The following CEP63 variants were observed in gnomAD, a reference collection of about 807,000 sequenced individuals.
CEP63 encodes the protein centrosomal protein 63.
A neutral mutation model predicts 89.1 loss-of-function variants in CEP63; 84 were observed. That is an observed-to-expected ratio of 0.94 (90% CI 0.79 to 1.13). The LOEUF (loss-of-function observed/expected upper bound fraction) is 1.13. CEP63 is among the 50% of genes most tolerant of loss of function. The pLI is 0.00. For missense variants in CEP63, 838 were observed against 813.3 expected, an observed-to-expected ratio of 1.03 and a Z score of -0.37; for synonymous variants, 267 against 272.5, an observed-to-expected ratio of 0.98 and a Z score of 0.20.
the CEP63 span, among the ~76,000 whole-genome samples, chr3:134,676,359 T>C: frequency 6.6e-6 from 1 of 152,194 alleles, no homozygotes; most frequent in African/African-American, 2.4e-5. Flanking sequence ...ACTCCATTTG[T>C]ATGAAATGTA....
the CEP63 span, among the ~76,000 whole-genome samples, chr3:134,762,233 C>G: frequency 2.6e-5 from 4 of 152,186 alleles, no homozygotes; most frequent in East Asian, 7.7e-4. Context: ...AGGAAAAGTG[C>G]GTGTCTTCCT....
chr3:134,744,868 A>G, the CEP63 span, among the ~76,000 whole-genome samples: 1 of 152,158 alleles, frequency 6.6e-6, no homozygotes, highest in African/African-American at 2.4e-5. Context: ...AATGCACACT[A>G]TCTTCTATTA....
chr3:134,564,709 G>A lies in CEP63; in HGVS notation c.*3174G>A. 2 of 985,372 alleles carry A rather than the reference G, an allele frequency of 2.0e-6. No individual in the cohort carries two copies. Among genetic ancestry groups the A allele is most frequent in the Non-Finnish European group, 2.4e-6 (2 of 829,910 alleles). The allele number at this position is 985,372 out of a possible 1,614,324, so 61.0% of individuals were successfully genotyped here. A position where few individuals can be genotyped will look rare whatever the true frequency, so the allele number is the denominator to read the frequency against. On this transcript the variant is annotated 3_prime_UTR_variant, in exon 15 of 15. Transcript: ENST00000675561. ...GCAGTTTTAAGTACTGTACCTATGTGCATTGCTGTTACATTCAGGAGATTT... is the reference window on the plus strand; with the variant it reads ...GCAGTTTTAAGTACTGTACCTATGTACATTGCTGTTACATTCAGGAGATTT...
the CEP63 span, among the ~76,000 whole-genome samples, chr3:134,675,597 C>G: frequency 6.6e-6 from 1 of 152,164 alleles, no homozygotes; most frequent in East Asian, 1.9e-4. Flanking sequence ...GAAAAGTTCA[C>G]TCACAGAATG....
chr3:134,561,333 A>G, intron 14 of CEP63, 44 bp from the exon 15 acceptor site: 2 of 1,507,980 alleles, frequency 1.3e-6, no homozygotes, highest in Non-Finnish European at 1.8e-6. Flanking sequence ...TAGAAATATA[A>G]TATTCTACTT....
the CEP63 span, among the ~76,000 whole-genome samples, chr3:134,705,938 A>C: frequency 6.6e-6 from 1 of 152,228 alleles, no homozygotes. Context: ...TGACAAATTC[A>C]TAGAATTGAT....
At chr3:134,648,938 T>C in the CEP63 span, among the ~76,000 whole-genome samples, 1 of 152,292 alleles carries the variant, frequency 6.6e-6, no homozygotes, top group Non-Finnish European at 1.5e-5. Flanking sequence ...GAGTTTGTTT[T>C]ATATCTTGCA....
Position 134,532,845 on chromosome 3 carries a change from C to T in CEP63, c.386C>T (p.Thr129Ile). ...CAAATGAGGGAATTCAGAGGAAATA[C>T]CAAAAATCACAGGGAAGATCGGTCT... ...KKQMREFRGN[T>I]KNHREDRSEI... The change falls in exon 5 of 15, where the codon ACC (threonine) becomes ATC (isoleucine). Residue 129 changes from threonine (T) to isoleucine (I), a missense_variant. Coordinates refer to ENST00000675561, the MANE Select transcript of CEP63 (RefSeq NM_001353108.3). 1 of 1,613,542 alleles carries T rather than the reference C, an allele frequency of 6.2e-7. No individual in the cohort carries two copies.
At chr3:134,551,716 A>T (rs572893373) in intron 11 of CEP63, among the ~76,000 whole-genome samples, 121 of 131,728 alleles carry the variant, frequency 9.2e-4, no homozygotes, top group African/African-American at 3.5e-3. Flanking sequence ...AAATCTTTTT[A>T]GAAAGTCCAT....
intron 3 of CEP63, among the ~76,000 whole-genome samples, chr3:134,526,339 A>G (rs1335598261): frequency 2.0e-5 from 3 of 152,060 alleles, no homozygotes; most frequent in Non-Finnish European, 4.4e-5. Flanking sequence ...GTCTTATTTC[A>G]GAAAGCCAGT....
the CEP63 span, among the ~76,000 whole-genome samples, chr3:134,690,079 A>G: frequency 6.6e-6 from 1 of 152,238 alleles, no homozygotes; most frequent in Non-Finnish European, 1.5e-5. Context: ...TAGACAATGC[A>G]TAGTTTTCTC....
At chr3:134,754,587 C>T in the CEP63 span, among the ~76,000 whole-genome samples, 1 of 152,094 alleles carries the variant, frequency 6.6e-6, no homozygotes, top group Non-Finnish European at 1.5e-5. Context: ...CCAAGAGGTG[C>T]CTCAGTGGCT....
chr3:134,690,743 A>AT, the CEP63 span, among the ~76,000 whole-genome samples: 6 of 120,796 alleles, frequency 5.0e-5, no homozygotes, highest in African/African-American at 2.1e-4. Flanking sequence ...GAAGACCAAG[A>AT]TTTTTTTTTT....
Position 134,564,342 on chromosome 3 carries a change from C to T in CEP63, c.*2807C>T. On this transcript the variant is annotated 3_prime_UTR_variant, in exon 15 of 15. Transcript: ENST00000675561. ...TCCTCTTCCCACACCCTGTCATGTGCTCCTAAAACTCCCCCTTTACTTGGC... is the reference window on the plus strand; with the variant it reads ...TCCTCTTCCCACACCCTGTCATGTGTTCCTAAAACTCCCCCTTTACTTGGC... 1.4e-5 allele frequency: 14 copies of T among 985,462 alleles called. No homozygotes were observed. Among genetic ancestry groups the T allele is most frequent in the Non-Finnish European group, 1.6e-5 (13 of 829,964 alleles). 61.0% of individuals were successfully genotyped at this position (985,462 alleles called of 1,614,324 possible).
chr3:134,647,422 A>G, the CEP63 span: 1 of 1,595,692 alleles, frequency 6.3e-7, no homozygotes, highest in Admixed American at 1.7e-5. Flanking sequence ...TTGAAAGGAA[A>G]AAGAGAATTT....
chr3:134,683,489 T>C, the CEP63 span, among the ~76,000 whole-genome samples: 1 of 152,152 alleles, frequency 6.6e-6, no homozygotes, highest in African/African-American at 2.4e-5. Context: ...GGCCAAGAAC[T>C]AAGTAATAAG....
At chr3:134,684,894 A>G in the CEP63 span, among the ~76,000 whole-genome samples, 3 of 152,146 alleles carry the variant, frequency 2.0e-5, no homozygotes, top group Non-Finnish European at 2.9e-5. Context: ...CAGCATTGGC[A>G]TGAGATATGC....
intron 13 of CEP63, 87 bp from the exon 14 acceptor site, chr3:134,559,063 C>A: frequency 1.4e-6 from 2 of 1,381,274 alleles, no homozygotes; most frequent in Non-Finnish European, 2.0e-6. Context: ...ATTAGTTAGG[C>A]TATTAAGCAA....
chr3:134,486,404 C>G (rs1435598000), intron 1 of CEP63: 1 of 985,380 alleles, frequency 1.0e-6, no homozygotes. Flanking sequence ...CGGCTTGGGT[C>G]CGCCCCGAAG....
Sources: gnomAD v4.1 joint callset for allele counts (sites outside exome capture counted in the v4.1 genomes callset) on GRCh38, gnomAD v4.1.1 for gene constraint, MANE v1.5 for transcripts, NCBI Gene and HGNC (gene_info 2026-07-23, HGNC 2026-07-21) for gene names.